GABRA2: variants seen among roughly 807,000 people sequenced by gnomAD.
The protein encoded by GABRA2 is gamma-aminobutyric acid type A receptor subunit alpha2.
In GABRA2, 16 loss-of-function variants were observed where a neutral mutation model predicts 48.7. The ratio of observed to expected loss-of-function variants is 0.33; its 90% CI spans 0.22 to 0.50. GABRA2 has a LOEUF of 0.50. Ranked by LOEUF, GABRA2 falls within the 20% of genes least tolerant of loss-of-function variation. The probability of loss-of-function intolerance (pLI) is 0.98; values close to 1 mark genes in which losing one functional copy is unlikely to be tolerated. For synonymous variants in GABRA2, 185 were observed against 184.5 expected (o/e 1.00, Z -0.02); for missense variants, 275 against 535.6 (o/e 0.51, Z 4.80).
intron 4 of GABRA2, among the ~76,000 whole-genome samples, chr4:46,330,589 T>TAGAGAGAGAGAGAGAGAGAGAG (rs1322712224): frequency 1.6e-5 from 2 of 124,670 alleles, no homozygotes; most frequent in East Asian, 5.8e-4. Flanking sequence ...TATATATATA[T>TAGAGAGAGAGAGAGAGAGAGAG]ATAGAGAGAG....
At chr4:46,258,459 T>A (rs1716295766) in intron 9 of GABRA2, among the ~76,000 whole-genome samples, 2 of 151,954 alleles carry the variant, frequency 1.3e-5, no homozygotes, top group African/African-American at 4.8e-5. Flanking sequence ...GGGGGGACAG[T>A]ATGCTTAGTG....
rs1713307463 is a variant in GABRA2, at chr4:46,244,318, T to A, written c.*5990A>T. The stretch of plus-strand genomic sequence containing the variant: ...TCTAAAGTAATTCTGCAACTAACTC[T>A]TGCTTTCTTAGCATCAGTTGTTTTT... On this transcript the variant is annotated 3_prime_UTR_variant, in exon 10 of 10. Coordinates refer to ENST00000381620, the MANE Select transcript of GABRA2 (RefSeq NM_000807.4). 1 of 151,708 alleles carries A rather than the reference T, an allele frequency of 6.6e-6. No homozygotes were observed. The highest frequency in any genetic ancestry group is 1.5e-5 in the Non-Finnish European group (1 of 67,758). 9.4% of individuals were successfully genotyped at this position (151,708 alleles called of 1,614,324 possible). A position where few individuals can be genotyped will look rare whatever the true frequency, so the allele number is the denominator to read the frequency against.
At chr4:46,324,677 G>T (rs1196337012) in intron 4 of GABRA2, among the ~76,000 whole-genome samples, 1 of 151,688 alleles carries the variant, frequency 6.6e-6, no homozygotes, top group Non-Finnish European at 1.5e-5. Flanking sequence ...TGTCACCCGG[G>T]TAGTGAACAC....
At chr4:46,293,236 A>G (rs1260029022) in intron 8 of GABRA2, among the ~76,000 whole-genome samples, 3 of 152,210 alleles carry the variant, frequency 2.0e-5, no homozygotes, top group Admixed American at 2.0e-4. Flanking sequence ...ATGGTGCCTC[A>G]ATCAGTTTCC....
chr4:46,373,674 A>C (rs1386267891), intron 3 of GABRA2, among the ~76,000 whole-genome samples: 1 of 152,162 alleles, frequency 6.6e-6, no homozygotes, highest in Non-Finnish European at 1.5e-5. Context: ...GTTGTCTTAG[A>C]AATCCTCTGC....
intron 3 of GABRA2, among the ~76,000 whole-genome samples, chr4:46,353,124 C>A (rs532644814): frequency 4.6e-5 from 7 of 152,076 alleles, no homozygotes; most frequent in Non-Finnish European, 8.8e-5. Context: ...TACAAAATAA[C>A]AATAATCATA....
At chr4:46,351,350 A>G (rs1423597564) in intron 3 of GABRA2, among the ~76,000 whole-genome samples, 1 of 152,006 alleles carries the variant, frequency 6.6e-6, no homozygotes, top group African/African-American at 2.4e-5. Flanking sequence ...AAATTAAGCT[A>G]ATGATTGAAT....
At position 46,388,612 on chromosome 4, in the gene GABRA2, A is replaced by T. The variant is rs752640414; in HGVS notation, c.71+24T>A. The T allele has an allele frequency of 2.5e-6, 4 of 1,612,966 alleles. No homozygotes were observed. In the East Asian group the frequency reaches 8.9e-5, roughly 36 times the overall value. On this transcript the variant is annotated intron_variant, in intron 2 of 9. Coordinates refer to ENST00000381620, the MANE Select transcript of GABRA2 (RefSeq NM_000807.4). Reference sequence around the variant, plus strand: ...ACACATCTTTGCCCTGAATTAAAATAGTCAAATACAATAAATATCTCACCT... The same window carrying T: ...ACACATCTTTGCCCTGAATTAAAATTGTCAAATACAATAAATATCTCACCT...
chr4:46,353,746 A>G (rs1159827243), intron 3 of GABRA2, among the ~76,000 whole-genome samples: 1 of 152,058 alleles, frequency 6.6e-6, no homozygotes, highest in Non-Finnish European at 1.5e-5. Context: ...TATTAACAGC[A>G]CCATATAAAC....
intron 4 of GABRA2, among the ~76,000 whole-genome samples, chr4:46,319,895 C>A (rs1234765779): frequency 6.6e-6 from 1 of 151,524 alleles, no homozygotes; most frequent in African/African-American, 2.4e-5. Context: ...ATTTAAAATT[C>A]ATAACATCCT....
intron 3 of GABRA2, among the ~76,000 whole-genome samples, chr4:46,348,947 A>G (rs1734657186): frequency 7.0e-6 from 1 of 143,218 alleles, no homozygotes; most frequent in African/African-American, 2.6e-5. Context: ...TTAAAAAAAA[A>G]GAAATTGCCA....
chr4:46,298,983 T>G (rs1725246917), intron 8 of GABRA2, among the ~76,000 whole-genome samples: 1 of 151,176 alleles, frequency 6.6e-6, no homozygotes, highest in African/African-American at 2.4e-5. Context: ...GATCATATAT[T>G]ATACATATAT....
intron 7 of GABRA2, among the ~76,000 whole-genome samples, 165 bp downstream of exon 7, chr4:46,305,403 T>C (rs1271547338): frequency 7.2e-6 from 1 of 138,650 alleles, no homozygotes; most frequent in Non-Finnish European, 1.6e-5. Flanking sequence ...CCCTAAAACT[T>C]AAAGTATAAT....
chr4:46,274,850 C>T (rs1720171900), intron 8 of GABRA2, among the ~76,000 whole-genome samples: 2 of 151,962 alleles, frequency 1.3e-5, no homozygotes, highest in Non-Finnish European at 2.9e-5. Context: ...CCTGTTATTT[C>T]TAATTGGGGG....
chr4:46,314,994 G>C (rs1259433323), intron 4 of GABRA2, among the ~76,000 whole-genome samples: 5 of 152,016 alleles, frequency 3.3e-5, no homozygotes, highest in African/African-American at 1.2e-4. Context: ...TTTCCTTTGA[G>C]ATATATAACC....
intron 3 of GABRA2, among the ~76,000 whole-genome samples, chr4:46,357,950 G>A (rs374088910): frequency 6.4e-4 from 97 of 152,010 alleles, no homozygotes; most frequent in African/African-American, 2.1e-3. Context: ...GAGCCACCGC[G>A]CCCAGCTGTG....
Position 46,250,090 on chromosome 4 carries a change from A to T in GABRA2, c.*218T>A. 1 of 479,414 alleles carries T rather than the reference A, an allele frequency of 2.1e-6. No homozygotes were observed. The highest frequency in any genetic ancestry group is 3.7e-6 in the Non-Finnish European group (1 of 269,820). 29.7% of individuals were successfully genotyped at this position (479,414 alleles called of 1,614,324 possible). A position where few individuals can be genotyped will look rare whatever the true frequency, so the allele number is the denominator to read the frequency against. On this transcript the variant is annotated 3_prime_UTR_variant, in exon 10 of 10. Coordinates refer to ENST00000381620, the MANE Select transcript of GABRA2 (RefSeq NM_000807.4). ...AATCAGGTCCTAGGGTAAATCTTTA[A>T]AAAAGGCAATGGCTGTTTTCGCATG...
At chr4:46,330,591 T>TATATATAGAG (rs1411755120) in intron 4 of GABRA2, among the ~76,000 whole-genome samples, 25 of 122,688 alleles carry the variant, frequency 2.0e-4, no homozygotes, top group Middle Eastern at 4.2e-3. Context: ...TATATATATA[T>TATATATAGAG]AGAGAGAGAG....
At chr4:46,308,893 A>C (rs571875543) in intron 6 of GABRA2, among the ~76,000 whole-genome samples, 2 of 152,242 alleles carry the variant, frequency 1.3e-5, no homozygotes, top group South Asian at 2.1e-4. Flanking sequence ...TCCTTTTTAC[A>C]ACATGATTAC....
Sources: gnomAD v4.1 joint callset for allele counts (sites outside exome capture counted in the v4.1 genomes callset) on GRCh38, gnomAD v4.1.1 for gene constraint, MANE v1.5 for transcripts, NCBI Gene and HGNC (gene_info 2026-07-23, HGNC 2026-07-21) for gene names.